USH2A: variants seen among roughly 807,000 people sequenced by gnomAD.
USH2A encodes the protein usherin.
In USH2A, 443 loss-of-function variants were observed where a neutral mutation model predicts 538.9. The observed-to-expected ratio is 0.82, with a 90% CI of 0.76 to 0.89. The LOEUF is 0.89. Among genes scored for constraint, USH2A ranks in the 40% least tolerant of loss-of-function variants. The pLI, the probability that USH2A is intolerant of heterozygous loss-of-function variation, is 0.00. For missense variants in USH2A, 6,633 were observed against 6,324.8 expected (o/e 1.05, Z -1.65); for synonymous variants, 2,413 against 2,273.5 (o/e 1.06, Z -1.75).
In USH2A at chr1:216,221,047, C is replaced by T. The variant is rs185548641; in HGVS notation, c.2994-3497G>A. On this transcript the variant is annotated intron_variant, in intron 14 of 71. Transcript: ENST00000307340. ...CTTAGTTTTTTCCATCAGTCCCTAA[C>T]ACAAAGGCTAGCACACAGTAAGGAT... is the stretch of plus-strand genomic sequence containing the variant. Among the ~76,000 whole-genome samples, 113 of 152,244 alleles carry T rather than the reference C, an allele frequency of 7.4e-4. 1 individual carries two copies. The highest frequency in any genetic ancestry group is 1.3e-3 in the Non-Finnish European group (89 of 68,014).
At chr1:216,038,264 A>G (rs767083255) in intron 32 of USH2A, among the ~76,000 whole-genome samples, 2 of 151,988 alleles carry the variant, frequency 1.3e-5, no homozygotes, top group South Asian at 4.1e-4. Context: ...CTATTCTTCT[A>G]TGCAAGCTTC....
rs746007103 is a variant in USH2A at position 215,817,064 on chromosome 1, C to T, written c.9503G>A (p.Cys3168Tyr). Reference sequence around the variant, plus strand: ...AGGTTTTTGACACCTCACTGCCTTGCAGAGCTCATCACTCTGATCCTGCAC... The same window carrying T: ...AGGTTTTTGACACCTCACTGCCTTGTAGAGCTCATCACTCTGATCCTGCAC... ...KLVQDQSDEL[C>Y]KAVRCQKPES... Residue 3168 changes from cysteine (C) to tyrosine (Y), a missense_variant, in exon 48 of 72, where the codon TGC becomes TAC. Transcript: ENST00000307340. The T allele has an allele frequency of 3.7e-6, 6 of 1,612,816 alleles. No individual in the cohort carries two copies. Among genetic ancestry groups the T allele is most frequent in the Non-Finnish European group, 3.4e-6 (4 of 1,179,092 alleles).
At position 215,791,877 on chromosome 1, in the gene USH2A, T is replaced by C. The variant is rs1340240291; in HGVS notation, c.9959-1595A>G. On this transcript the variant is annotated intron_variant, in intron 50 of 71. Transcript: ENST00000307340. Reference sequence around the variant, plus strand: ...ATACACACACAAATACATATAAATATATACATACATGAGTGTACACACACA... The same window carrying C: ...ATACACACACAAATACATATAAATACATACATACATGAGTGTACACACACA... Among the ~76,000 whole-genome samples the C allele has an allele frequency of 2.0e-5, 3 of 152,124 alleles. No homozygotes were observed. The East Asian group carries it at 5.8e-4, about 29-fold the overall frequency.
At chr1:215,626,523 A>G (rs1269180803) in intron 71 of USH2A, among the ~76,000 whole-genome samples, 1 of 151,906 alleles carries the variant, frequency 6.6e-6, no homozygotes, top group Non-Finnish European at 1.5e-5. Context: ...TGTATTTTGT[A>G]TTTATCAAAT....
intron 21 of USH2A, 158 bp downstream of exon 21, chr1:216,175,094 A>G (rs1435152689): frequency 2.7e-6 from 4 of 1,464,078 alleles, no homozygotes; most frequent in Non-Finnish European, 3.6e-6. Flanking sequence ...TTCTAAAAAG[A>G]TGGACATGCT....
intron 55 of USH2A, 80 bp downstream of exon 55, chr1:215,779,763 C>T (rs1228168550): frequency 1.9e-6 from 3 of 1,546,460 alleles, no homozygotes; most frequent in Non-Finnish European, 2.6e-6. Context: ...ATATCAAACA[C>T]ACACCCCTGG....
rs770595289 is a variant in USH2A at position 215,845,821 on chromosome 1, C to T, written c.9055+3G>A. 5 of 1,613,102 alleles carry T rather than the reference C, an allele frequency of 3.1e-6. No homozygotes were observed. In the Admixed American group the frequency reaches 5.0e-5, roughly 16 times the overall value. On this transcript the variant is annotated splice_donor_region_variant and intron_variant, in intron 45 of 71. Transcript: ENST00000307340. ...GCAAATATCCTTTAGAATCTGGACT[C>T]ACCCCCATCGCAAGTGGTTGCATGA...
At chr1:215,984,988 G>A (rs1667838545) in intron 35 of USH2A, among the ~76,000 whole-genome samples, 1 of 152,134 alleles carries the variant, frequency 6.6e-6, no homozygotes, top group South Asian at 2.1e-4. Context: ...GGAATCAACG[G>A]AATCTAAAAA....
intron 49 of USH2A, among the ~76,000 whole-genome samples, chr1:215,809,047 G>A (rs1662581873): frequency 6.6e-6 from 1 of 152,126 alleles, no homozygotes; most frequent in Non-Finnish European, 1.5e-5. Context: ...AGGGAACTTA[G>A]TAAAAGTTTC....
intron 38 of USH2A, among the ~76,000 whole-genome samples, chr1:215,926,321 A>T (rs544158571): frequency 2.8e-4 from 43 of 152,178 alleles, no homozygotes; most frequent in African/African-American, 9.9e-4. Flanking sequence ...TGAAATTTGA[A>T]AATAGAAGAG....
chr1:216,012,991 C>T (rs1212731112), intron 32 of USH2A, among the ~76,000 whole-genome samples: 1 of 152,168 alleles, frequency 6.6e-6, no homozygotes, highest in South Asian at 2.1e-4. Flanking sequence ...TACACTGTTT[C>T]TCCAAGCCAT....
chr1:216,329,528 G>T (rs1160047365), intron 4 of USH2A, among the ~76,000 whole-genome samples: 2 of 152,118 alleles, frequency 1.3e-5, no homozygotes, highest in Admixed American at 6.6e-5. Context: ...TGTCAAGGAA[G>T]CTGGGCCTGT....
rs1392671925 is a variant in USH2A at position 215,743,235 on chromosome 1, A to C, written c.11490T>G (p.Leu3830=). The change falls in exon 59 of 72, where the codon CTT becomes CTG. Residue 3830 remains leucine, a synonymous_variant. Coordinates refer to ENST00000307340, the MANE Select transcript of USH2A (RefSeq NM_206933.4). ...AFSVGHHQST[L]LENLTPFTQY... is the part of the protein sequence containing the mutation. ...GTGTGAATGGAGTCAAATTTTCCAG[A>C]AGGGTGGATTGATGATGACCAACGG... The C allele has an allele frequency of 1.2e-6, 2 of 1,612,606 alleles. No homozygotes were observed. Among genetic ancestry groups the C allele is most frequent in the Non-Finnish European group, 1.7e-6 (2 of 1,179,508 alleles).
rs533660632 is a variant in USH2A at position 216,334,597 on chromosome 1, C to T, written c.785-6943G>A. Among the ~76,000 whole-genome samples the T allele has an allele frequency of 1.2e-4, 18 of 151,824 alleles. 1 individual carries two copies. Among genetic ancestry groups the T allele is most frequent in the Admixed American group, 8.5e-4 (13 of 15,218 alleles). ...TTCTGCAAGAGACAAACTCTACATT[C>T]GAGGAAACAAATAGATTGAATGTTC... On this transcript the variant is annotated intron_variant, in intron 4 of 71. Transcript: ENST00000307340.
intron 4 of USH2A, 39 bp downstream of exon 4, chr1:216,364,914 T>G (rs2038565250): frequency 6.2e-7 from 1 of 1,611,530 alleles, no homozygotes; most frequent in African/African-American, 1.3e-5. Context: ...AACAATGTAA[T>G]TGGATGAAAT....
intron 35 of USH2A, among the ~76,000 whole-genome samples, chr1:215,992,179 C>T (rs1005480505): frequency 3.3e-5 from 5 of 151,946 alleles, no homozygotes; most frequent in African/African-American, 1.2e-4. Context: ...CTAAAAGAGC[C>T]CATTTCAATT....
intron 44 of USH2A, among the ~76,000 whole-genome samples, chr1:215,851,312 CAAGAA>C (rs1664009817): frequency 6.6e-6 from 1 of 151,808 alleles, no homozygotes; most frequent in Non-Finnish European, 1.5e-5. Context: ...GAAGATTAAC[CAAGAA>C]AAGAAGAGAG....
chr1:216,117,931 C>T (rs1356450094), intron 21 of USH2A, among the ~76,000 whole-genome samples: 1 of 151,434 alleles, frequency 6.6e-6, no homozygotes, highest in Non-Finnish European at 1.5e-5. Context: ...TATTCCTCCT[C>T]CAAAGGAGTC....
chr1:216,053,263 T>C (rs919380864), intron 30 of USH2A, among the ~76,000 whole-genome samples: 7 of 150,684 alleles, frequency 4.6e-5, no homozygotes, highest in Non-Finnish European at 8.8e-5. Context: ...AAAAGAATAC[T>C]GGGAAATAGA....
Sources: gnomAD v4.1 joint callset for allele counts (sites outside exome capture counted in the v4.1 genomes callset) on GRCh38, gnomAD v4.1.1 for gene constraint, MANE v1.5 for transcripts, NCBI Gene and HGNC (gene_info 2026-07-23, HGNC 2026-07-21) for gene names.